Variants in PSG11 observed in about 807,000 individuals in gnomAD.
PSG11 encodes pregnancy-specific beta-1-glycoprotein 11.
Under a neutral mutation model 36.0 loss-of-function variants are expected in PSG11, and 42 were observed. That is an observed-to-expected ratio of 1.17 (90% CI 0.91 to 1.51). The LOEUF is 1.51. Ranked by LOEUF, PSG11 falls within the 40% of genes most tolerant of loss-of-function variation. PSG11 has a pLI of 0.00. For missense variants in PSG11, 558 were observed against 403.5 expected, an observed-to-expected ratio of 1.38 and a Z score of -3.28; for synonymous variants, 206 against 153.5, an observed-to-expected ratio of 1.34 and a Z score of -2.53.
Position 43,021,930 on chromosome 19 carries a change from C to A in PSG11, c.430+2761G>T, listed in dbSNP as rs377574660. Among the ~76,000 whole-genome samples, 13 of 151,602 alleles carry A rather than the reference C, an allele frequency of 8.6e-5. No homozygotes were observed. The East Asian group carries it at 2.5e-3, about 29-fold the overall frequency. ...CAACAGTGACAGCAAACTAGCATGG[C>A]TGACTCCATCTGGCATCTAGTCTCA... On this transcript the variant is annotated intron_variant, in intron 2 of 5. Coordinates refer to ENST00000320078, the MANE Select transcript of PSG11 (RefSeq NM_002785.3).
intron 3 of PSG11, 112 bp downstream of exon 3, chr19:43,018,658 T>A: frequency 6.2e-7 from 1 of 1,600,556 alleles, no homozygotes; most frequent in Admixed American, 1.7e-5. Flanking sequence ...AGCTTTGATG[T>A]CCAGTGGTAA....
intron 2 of PSG11, chr19:43,019,784 A>G (rs1215590171): frequency 6.6e-6 from 1 of 151,910 alleles, no homozygotes; most frequent in Non-Finnish European, 1.5e-5. Context: ...TTGTGGGTCT[A>G]TGATGCTCCC....
intron 4 of PSG11, chr19:43,014,503 G>C: frequency 2.0e-6 from 2 of 976,528 alleles, no homozygotes; most frequent in Non-Finnish European, 2.4e-6. Context: ...AGCCTGGCCC[G>C]GGGGAGGCTT....
intron 2 of PSG11, among the ~76,000 whole-genome samples, chr19:43,020,067 T>C (rs1199727455): frequency 6.6e-6 from 1 of 151,328 alleles, no homozygotes; most frequent in African/African-American, 2.4e-5. Flanking sequence ...AATCAGAGTG[T>C]AGAATAGTAG....
At chr19:43,013,076 G>A (rs1361850543) in intron 4 of PSG11, among the ~76,000 whole-genome samples, 1 of 151,290 alleles carries the variant, frequency 6.6e-6, no homozygotes, top group African/African-American at 2.4e-5. Flanking sequence ...GGATATCCAA[G>A]GGCAAGAAGA....
At position 43,024,571 on chromosome 19, in the gene PSG11, C is replaced by G. The variant is rs1429708240; in HGVS notation, c.430+120G>C. ...GTGTCCTGCACTAAATGCCCAAACC[C>G]CAGCATGGGACATAATGCAGAGAGG... On this transcript the variant is annotated intron_variant, in intron 2 of 5. Transcript: ENST00000320078. 44 of 1,563,742 alleles carry G rather than the reference C, an allele frequency of 2.8e-5. 1 individual carries two copies. Among genetic ancestry groups the G allele is most frequent in the South Asian group, 1.0e-4 (9 of 85,802 alleles).
intron 5 of PSG11, among the ~76,000 whole-genome samples, chr19:43,008,634 C>T (rs1211845476): frequency 6.6e-6 from 1 of 151,126 alleles, no homozygotes; most frequent in East Asian, 1.9e-4. Flanking sequence ...TTTAGCATCA[C>T]TTATCCCTTA....
In PSG11 at chr19:43,024,934, T is replaced by A. The variant is rs774670407; in HGVS notation, c.187A>T (p.Thr63Ser). Residue 63 changes from threonine to serine, a missense_variant, in exon 2 of 6, where the codon ACT becomes TCT. By Grantham distance (58) the Thr-to-Ser change is moderately conservative (BLOSUM62 1). Transcript: ENST00000320078. Reference protein sequence around the residue: ...LLVHNLPQNLTGYIWYKGQIR... With the variant: ...LLVHNLPQNLSGYIWYKGQIR... The stretch of plus-strand genomic sequence containing the variant: ...TGCCCTTTGTACCAGATGTAGCCAG[T>A]AAGATTCTGGGGCAAATTGTGGACA... 1.2e-6 allele frequency: 2 copies of A among 1,611,720 alleles called. No homozygotes were observed. The highest frequency in any genetic ancestry group is 2.7e-5 in the African/African-American group (2 of 74,250).
rs867741511 is a variant in PSG11 at position 43,010,596 on chromosome 19, A to C, written c.965-555T>G. 10 of 376,734 alleles carry C rather than the reference A, an allele frequency of 2.7e-5. 2 individuals carry two copies. The highest frequency in any genetic ancestry group is 1.9e-4 in the African/African-American group (9 of 46,684). 23.3% of individuals were successfully genotyped at this position (376,734 alleles called of 1,614,324 possible). On this transcript the variant is annotated intron_variant, in intron 4 of 5. Transcript: ENST00000320078. ...TTGGAGGATTCCTCATCAGCCTTGC[A>C]AAAACTCTTAGAATTGCATTGGTAC...
chr19:43,019,966 G>T (rs1011697513), intron 2 of PSG11, among the ~76,000 whole-genome samples: 4 of 151,458 alleles, frequency 2.6e-5, no homozygotes, highest in African/African-American at 9.7e-5. Flanking sequence ...TTGGGAAGAA[G>T]TCTTGCAGAT....
chr19:43,010,097 G>A lies in PSG11; in HGVS notation c.965-56C>T. ...GAAGGTGATGTTATTTTACATGGGG[G>A]AGCGTCAGGAACAAGCATGTAACAT... is the stretch of plus-strand genomic sequence containing the variant. On this transcript the variant is annotated intron_variant, in intron 4 of 5. Coordinates refer to ENST00000320078, the MANE Select transcript of PSG11 (RefSeq NM_002785.3). The A allele has an allele frequency of 4.5e-6, 7 of 1,568,832 alleles. No individual in the cohort carries two copies. The Admixed American group carries it at 8.5e-5, about 19-fold the overall frequency.
At position 43,024,765 on chromosome 19, in the gene PSG11, G is replaced by T. The variant is rs759872434; in HGVS notation, c.356C>A (p.Ser119Tyr). The T allele has an allele frequency of 9.9e-6, 16 of 1,611,822 alleles. No homozygotes were observed. The Admixed American group carries it at 2.2e-4, about 22-fold the overall frequency. ...IQNVTREDAGSYTLHIIKRGD... is the reference protein window; with the variant it reads ...IQNVTREDAGYYTLHIIKRGD... The stretch of plus-strand genomic sequence containing the variant: ...TCGCTTTATGATGTGTAAGGTGTAG[G>T]ATCCTGCGTCCTCCCGGGTGACATT... Residue 119 changes from serine to tyrosine, a missense_variant, in exon 2 of 6, where the codon TCC becomes TAC. Transcript: ENST00000320078.
chr19:43,025,808 C>T (rs1347422779), intron 1 of PSG11, among the ~76,000 whole-genome samples: 25 of 150,436 alleles, frequency 1.7e-4, no homozygotes, highest in African/African-American at 4.7e-4. Context: ...AACAGAACAC[C>T]TGTTTCCTAC....
chr19:43,021,076 C>T lies in PSG11; in HGVS notation c.431-2028G>A, dbSNP rs142314699. On this transcript the variant is annotated intron_variant, in intron 2 of 5. Coordinates refer to ENST00000320078, the MANE Select transcript of PSG11 (RefSeq NM_002785.3). ...AAACCATCAGATAGCACCCACCTGGCCACCTCCAACTAGTCCCCAAAACCA... is the reference window on the plus strand; with the variant it reads ...AAACCATCAGATAGCACCCACCTGGTCACCTCCAACTAGTCCCCAAAACCA... 8.3e-4 allele frequency among the ~76,000 whole-genome samples: 126 copies of T among 151,454 alleles called. 6 individuals are homozygous for T. The highest frequency in any genetic ancestry group is 3.0e-3 in the African/African-American group (122 of 41,088).
intron 1 of PSG11, 157 bp from the exon 2 acceptor site, chr19:43,025,213 C>T: frequency 7.6e-7 from 1 of 1,315,358 alleles, no homozygotes; most frequent in Non-Finnish European, 1.0e-6. Context: ...AGAAAAGGGG[C>T]ATGTGTGTTT....
At chr19:43,015,954 C>G (rs749553133) in intron 3 of PSG11, 1 of 1,610,110 alleles carries the variant, frequency 6.2e-7, no homozygotes, top group Non-Finnish European at 8.5e-7. Flanking sequence ...AGGCATAGTT[C>G]TCACTCTTAG....
intron 3 of PSG11, among the ~76,000 whole-genome samples, chr19:43,016,611 AT>A (rs1966973294): frequency 6.6e-6 from 1 of 151,536 alleles, no homozygotes; most frequent in Non-Finnish European, 1.5e-5. Context: ...CAGTTCAGTC[AT>A]CAGGCAGTGG....
chr19:43,015,108 C>T lies in PSG11; in HGVS notation c.964+8G>A. ...ACCCTATTGCCAAGGATGCTGGGAT[C>T]CACTTACCAATGACTCTGATTGTCA... On this transcript the variant is annotated splice_region_variant and intron_variant, in intron 4 of 5. Transcript: ENST00000320078. 2 of 1,611,830 alleles carry T rather than the reference C, an allele frequency of 1.2e-6. No individual in the cohort carries two copies. Among genetic ancestry groups the T allele is most frequent in the Non-Finnish European group, 1.7e-6 (2 of 1,178,868 alleles).
intron 3 of PSG11, chr19:43,015,820 A>G (rs1265668356): frequency 6.2e-6 from 10 of 1,610,298 alleles, no homozygotes; most frequent in South Asian, 1.1e-5. Flanking sequence ...TCGGTCCCGT[A>G]TTTCACATTG....
Sources: gnomAD v4.1 joint callset for allele counts (sites outside exome capture counted in the v4.1 genomes callset) on GRCh38, gnomAD v4.1.1 for gene constraint, MANE v1.5 for transcripts, NCBI Gene and HGNC (gene_info 2026-07-23, HGNC 2026-07-21) for gene names.